The following DPP6 variants were observed in gnomAD, a reference collection of about 807,000 sequenced individuals.
DPP6 encodes the protein A-type potassium channel modulatory protein DPP6.
DPP6 carries 69 observed loss-of-function variants against 122.6 expected under a neutral mutation model. The ratio of observed to expected loss-of-function variants is 0.56; its 90% confidence interval spans 0.46 to 0.69. DPP6 has a LOEUF of 0.69. Among genes scored for constraint, DPP6 ranks in the 30% least tolerant of loss-of-function variants. The pLI, the probability that DPP6 is intolerant of heterozygous loss-of-function variation, is 0.00. For missense variants in DPP6, 928 were observed against 1,116.9 expected, an observed-to-expected ratio of 0.83 and a Z score of 2.41; for synonymous variants, 418 against 433.1, an observed-to-expected ratio of 0.97 and a Z score of 0.43.
At position 154,885,662 on chromosome 7, in the gene DPP6, C is replaced by T. The variant is rs369393793; in HGVS notation, c.2163C>T (p.Ile721=). Residue 721 remains isoleucine, a synonymous_variant, in exon 22 of 26, where the codon ATC becomes ATT. Transcript: ENST00000377770. ...KDYGGYLSTY[I]LPAKGENQGQ... ...ACGGTGGCTACCTGAGCACCTACAT[C>T]CTCCCAGCAAAGGGAGAAAATCAAG... 7.1e-5 allele frequency: 112 copies of T among 1,587,240 alleles called. No homozygotes were observed. In the African/African-American group the frequency reaches 1.3e-3, roughly 18 times the overall value.
chr7:153,754,145 G>T, the DPP6 span, among the ~76,000 whole-genome samples: 1 of 152,088 alleles, frequency 6.6e-6, no homozygotes, highest in Non-Finnish European at 1.5e-5. Context: ...GACAGGGATA[G>T]CAAAGCTTGT....
chr7:154,095,092 A>G (rs953195359), intron 1 of DPP6: 4 of 152,040 alleles, frequency 2.6e-5, no homozygotes, highest in African/African-American at 9.7e-5. Context: ...CTGCACAGTG[A>G]AGAGAATGGG....
At chr7:153,793,099 C>G in the DPP6 span, among the ~76,000 whole-genome samples, 2 of 152,058 alleles carry the variant, frequency 1.3e-5, no homozygotes, top group African/African-American at 4.8e-5. Flanking sequence ...AAATTGATAC[C>G]AGTACATTGG....
At chr7:153,748,426 G>T in the DPP6 span, among the ~76,000 whole-genome samples, 4 of 40,556 alleles carry the variant, frequency 9.9e-5, no homozygotes, top group Non-Finnish European at 1.9e-4. Flanking sequence ...GGTGAGGGGG[G>T]TGTGGAAAGA....
At chr7:154,585,242 A>G (rs10280611) in intron 5 of DPP6, among the ~76,000 whole-genome samples, 150,277 of 152,356 alleles carry the variant, frequency 0.99, 74,177 homozygotes, top group African/African-American at 1. Flanking sequence ...CATAGTCTTC[A>G]TCTTTAGGGT....
intron 16 of DPP6, among the ~76,000 whole-genome samples, chr7:154,811,387 T>G (rs1799051183): frequency 1.3e-5 from 2 of 152,170 alleles, no homozygotes; most frequent in African/African-American, 4.8e-5. Flanking sequence ...GCCTAAGGGA[T>G]GAGAAGATCA....
At chr7:153,856,293 T>C in the DPP6 span, among the ~76,000 whole-genome samples, 15 of 152,200 alleles carry the variant, frequency 9.9e-5, no homozygotes, top group Non-Finnish European at 2.1e-4. Context: ...AGGTCACTGG[T>C]CTTACCAAAA....
At chr7:154,440,477 T>C (rs1325736050) in intron 1 of DPP6, among the ~76,000 whole-genome samples, 1 of 152,112 alleles carries the variant, frequency 6.6e-6, no homozygotes, top group Non-Finnish European at 1.5e-5. Flanking sequence ...TGAGTTAGGG[T>C]CCTCTTGCTC....
intron 1 of DPP6, among the ~76,000 whole-genome samples, chr7:154,353,353 G>A (rs890795775): frequency 6.6e-6 from 1 of 152,160 alleles, no homozygotes; most frequent in Non-Finnish European, 1.5e-5. Flanking sequence ...GGAGATACAT[G>A]AGCATGCAAG....
chr7:154,682,875 G>T (rs1407851519), intron 7 of DPP6, among the ~76,000 whole-genome samples: 1 of 152,232 alleles, frequency 6.6e-6, no homozygotes, highest in African/African-American at 2.4e-5. Context: ...AGTGATAGAC[G>T]TGAGCACAGA....
chr7:153,864,716 C>G, the DPP6 span, among the ~76,000 whole-genome samples: 1 of 132,556 alleles, frequency 7.5e-6, no homozygotes, highest in Non-Finnish European at 1.6e-5. Flanking sequence ...CACACACACA[C>G]ACACACGTGC....
chr7:154,432,030 C>A (rs2151257969), intron 1 of DPP6, among the ~76,000 whole-genome samples: 1 of 152,202 alleles, frequency 6.6e-6, no homozygotes, highest in East Asian at 1.9e-4. Flanking sequence ...CCCTCCACTT[C>A]CCTTGGAAGA....
intron 25 of DPP6, among the ~76,000 whole-genome samples, chr7:154,891,786 G>A (rs1049844180): frequency 3.9e-5 from 6 of 152,044 alleles, no homozygotes; most frequent in East Asian, 1.9e-4. Context: ...CGGTTTTACC[G>A]TGTTGGCCAG....
intron 1 of DPP6, among the ~76,000 whole-genome samples, chr7:154,230,704 C>G (rs1016548629): frequency 6.6e-6 from 1 of 152,192 alleles, no homozygotes; most frequent in Non-Finnish European, 1.5e-5. Flanking sequence ...CTCACCTCCT[C>G]ACCAAAAGAC....
At position 154,302,561 on chromosome 7, in the gene DPP6, G is replaced by T. The variant is rs188039653; in HGVS notation, c.244-143653G>T. On this transcript the variant is annotated intron_variant, in intron 1 of 25. Transcript: ENST00000377770. ...GGCAGAGTAGATGAGTGAGGGAGGT[G>T]GGGAGCCCCGGTGGGGCCTGGCTGG... 4.8e-3 allele frequency among the ~76,000 whole-genome samples: 731 copies of T among 152,318 alleles called. 4 individuals carry two copies. Among genetic ancestry groups the T allele is most frequent in the Middle Eastern group, 6.8e-3 (2 of 294 alleles).
intron 1 of DPP6, among the ~76,000 whole-genome samples, chr7:154,430,889 A>G (rs1364933688): frequency 4.8e-5 from 5 of 104,410 alleles, no homozygotes; most frequent in Admixed American, 2.3e-4. Context: ...ACTCATTCGA[A>G]TGTTTCTTTC....
chr7:154,525,433 T>C (rs1218185628), intron 3 of DPP6, among the ~76,000 whole-genome samples: 2 of 152,208 alleles, frequency 1.3e-5, no homozygotes, highest in Non-Finnish European at 2.9e-5. Flanking sequence ...GCTGGGATGA[T>C]AGGCATGAAC....
chr7:154,545,276 A>G (rs112461429), intron 4 of DPP6, among the ~76,000 whole-genome samples: 2 of 152,114 alleles, frequency 1.3e-5, no homozygotes, highest in East Asian at 1.9e-4. Context: ...TCTATTATGT[A>G]TCTTGTTTTT....
At chr7:154,265,220 A>T (rs192676554) in intron 1 of DPP6, among the ~76,000 whole-genome samples, 257 of 152,108 alleles carry the variant, frequency 1.7e-3, no homozygotes, top group Non-Finnish European at 3.0e-3. Context: ...GGTGATGATG[A>T]TAATGATGGT....
Sources: gnomAD v4.1 joint callset for allele counts (sites outside exome capture counted in the v4.1 genomes callset) on GRCh38, gnomAD v4.1.1 for gene constraint, MANE v1.5 for transcripts, NCBI Gene and HGNC (gene_info 2026-07-23, HGNC 2026-07-21) for gene names.